The following MEAK7 variants were observed in gnomAD, a reference collection of about 807,000 sequenced individuals.
MEAK7 encodes the protein MTOR associated protein MEAK7.
Under a neutral mutation model 40.5 loss-of-function variants are expected in MEAK7, and 68 were observed. The observed-to-expected ratio is 1.68, with a 90% CI of 1.38 to 2.06. MEAK7 has a LOEUF of 2.06. Ranked by LOEUF, MEAK7 falls within the 30% of genes most tolerant of loss-of-function variation. The probability of loss-of-function intolerance (pLI) is 0.00; values close to 1 mark genes in which losing one functional copy is unlikely to be tolerated. For missense variants in MEAK7, 918 were observed against 580.5 expected, an observed-to-expected ratio of 1.58 and a Z score of -5.98; for synonymous variants, 338 against 231.9, an observed-to-expected ratio of 1.46 and a Z score of -4.16.
chr16:84,480,734 T>G, intron 6 of MEAK7, 26 bp from the exon 7 acceptor site: 1 of 1,593,462 alleles, frequency 6.3e-7, no homozygotes, highest in African/African-American at 1.3e-5. Context: ...GGACAGAGAA[T>G]AGCATCAGCA....
rs951539339 is a variant in MEAK7 at position 84,504,577 on chromosome 16, G to A, written c.-26+24C>T. On this transcript the variant is annotated intron_variant, in intron 1 of 7. Transcript: ENST00000343629. ...GCCTGCGCCTCTGGGTCAGCTCACT[G>A]CGAACCTCAGCCCAGGTACCTACCC... 15 of 985,554 alleles carry A rather than the reference G, an allele frequency of 1.5e-5. No individual in the cohort carries two copies. The Admixed American group carries it at 3.7e-4, about 24-fold the overall frequency. 61.1% of individuals were successfully genotyped at this position (985,554 alleles called of 1,614,324 possible).
chr16:84,491,052 A>C (rs953117371), intron 3 of MEAK7, among the ~76,000 whole-genome samples: 1 of 152,240 alleles, frequency 6.6e-6, no homozygotes, highest in Admixed American at 6.5e-5. Flanking sequence ...ATGAAACCAA[A>C]AGTTGGTTCA....
Position 84,480,615 on chromosome 16 carries a change from T to C in MEAK7, c.1171A>G (p.Asn391Asp). The C allele has an allele frequency of 1.2e-6, 2 of 1,614,084 alleles. No homozygotes were observed. Among genetic ancestry groups the C allele is most frequent in the East Asian group, 2.2e-5 (1 of 44,888 alleles). ...SRAKPTCTTYNSPQLSAQENF... is the reference protein window; with the variant it reads ...SRAKPTCTTYDSPQLSAQENF... ...TCCTGAGCCGACAGCTGCGGGCTGT[T>C]GTACGTGGTGCACGTGGGCTTGGCT... is the stretch of plus-strand genomic sequence containing the variant. Residue 391 changes from asparagine to aspartate, a missense_variant, in exon 7 of 8, where the codon AAC (asparagine) becomes GAC (aspartate). Asn to Asp is a conservative substitution (Grantham distance 23, BLOSUM62 1). Transcript: ENST00000343629.
chr16:84,495,612 G>C, intron 3 of MEAK7, 71 bp downstream of exon 3: 1 of 1,436,638 alleles, frequency 7.0e-7, no homozygotes, highest in Non-Finnish European at 9.8e-7. Context: ...CCATGTAACT[G>C]GCCTCCATCC....
chr16:84,492,677 G>C (rs934325383), intron 3 of MEAK7, among the ~76,000 whole-genome samples: 3 of 152,094 alleles, frequency 2.0e-5, no homozygotes, highest in Non-Finnish European at 4.4e-5. Flanking sequence ...CACCTCTCGA[G>C]TTCAAGCGAT....
chr16:84,495,956 G>A (rs202105266), intron 2 of MEAK7, 43 bp from the exon 3 acceptor site: 13 of 1,593,692 alleles, frequency 8.2e-6, no homozygotes, highest in South Asian at 4.4e-5. Flanking sequence ...CAGTGCACAA[G>A]TTGAACTTGG....
rs756603911 is a variant in MEAK7 at position 84,497,531 on chromosome 16, G to C, written c.153+403C>G. 5.4e-6 allele frequency: 7 copies of C among 1,291,302 alleles called. No individual in the cohort carries two copies. In the South Asian group the frequency reaches 7.4e-5, roughly 14 times the overall value. The allele number at this position is 1,291,302 out of a possible 1,614,324, so 80.0% of individuals were successfully genotyped here. On this transcript the variant is annotated intron_variant, in intron 2 of 7. Coordinates refer to ENST00000343629, the MANE Select transcript of MEAK7 (RefSeq NM_020947.4). ...CCCATCTCTGGGAGGGCAGTCAGGA[G>C]GGACGTGGTTCAAGAGACACACGAG...
intron 3 of MEAK7, among the ~76,000 whole-genome samples, chr16:84,490,698 T>TGTGTG (rs1913522135): frequency 1.9e-5 from 1 of 52,946 alleles, no homozygotes; most frequent in African/African-American, 6.6e-5. Context: ...GTGTGTGTAT[T>TGTGTG]TAAAGGGACA....
At chr16:84,497,696 G>T (rs190073768) in intron 2 of MEAK7, 1 of 1,454,240 alleles carries the variant, frequency 6.9e-7, no homozygotes, top group South Asian at 1.2e-5. Flanking sequence ...GGAGGGATGC[G>T]TTTAGACACT....
intron 2 of MEAK7, 110 bp from the exon 3 acceptor site, chr16:84,496,023 T>A: frequency 8.0e-7 from 1 of 1,253,154 alleles, no homozygotes; most frequent in East Asian, 2.4e-5. Flanking sequence ...TTGGGAAGTT[T>A]TCGTTTTTTA....
rs1035770814 is a variant in MEAK7, at chr16:84,503,960, C to G, written c.-26+641G>C. Reference sequence around the variant, plus strand: ...GCCACACAAGGGTCCCTCCGTACCCCCACAAGCTGGGGAGATTCCAACTGC... The same window carrying G: ...GCCACACAAGGGTCCCTCCGTACCCGCACAAGCTGGGGAGATTCCAACTGC... On this transcript the variant is annotated intron_variant, in intron 1 of 7. Transcript: ENST00000343629. The G allele has an allele frequency of 9.1e-6, 9 of 985,424 alleles. No individual in the cohort carries two copies. The Admixed American group carries it at 4.3e-4, about 47-fold the overall frequency. The allele number at this position is 985,424 out of a possible 1,614,324, so 61.0% of individuals were successfully genotyped here. A position where few individuals can be genotyped will look rare whatever the true frequency, so the allele number is the denominator to read the frequency against.
In MEAK7 at chr16:84,491,699, G is replaced by A. The variant is rs182601837; in HGVS notation, c.385-2277C>T. Among the ~76,000 whole-genome samples, 129 of 151,676 alleles carry A rather than the reference G, an allele frequency of 8.5e-4. 1 individual carries two copies. Among genetic ancestry groups the A allele is most frequent in the South Asian group, 5.4e-3 (26 of 4,792 alleles). On this transcript the variant is annotated intron_variant, in intron 3 of 7. Transcript: ENST00000343629. ...TAAAAGTACAAAAAATTACCTGGGC[G>A]TGGTGGCGTGCACCTGTAGTCCCAG...
intron 5 of MEAK7, among the ~76,000 whole-genome samples, chr16:84,484,234 A>G (rs416476): frequency 0.42 from 63,132 of 152,118 alleles, 13,622 homozygotes; most frequent in South Asian, 0.59. Flanking sequence ...TCATTCCCAG[A>G]ATACAGGGCA....
At chr16:84,482,462 C>A (rs1268695355) in intron 6 of MEAK7, 130 bp downstream of exon 6, 1 of 1,463,930 alleles carries the variant, frequency 6.8e-7, no homozygotes, top group Non-Finnish European at 9.3e-7. Flanking sequence ...ACAGAAGGAA[C>A]TGGACATGGC....
rs760821644 is a variant in MEAK7, at chr16:84,489,274, T to C, written c.529+4A>G. 4.3e-6 allele frequency: 7 copies of C among 1,613,886 alleles called. No homozygotes were observed. Among genetic ancestry groups the C allele is most frequent in the Non-Finnish European group, 4.2e-6 (5 of 1,179,868 alleles). ...CCTGCATCACCGCGTCCACGCACAC[T>C]TGCCTTGCAGCTTCATGTCAGAGAG... On this transcript the variant is annotated splice_donor_region_variant and intron_variant, in intron 4 of 7. Transcript: ENST00000343629.
chr16:84,497,613 G>T (rs769586395), intron 2 of MEAK7: 9 of 1,341,138 alleles, frequency 6.7e-6, no homozygotes, highest in Non-Finnish European at 8.8e-6. Flanking sequence ...CCCAAATGTC[G>T]TGTGAATCAT....
intron 5 of MEAK7, among the ~76,000 whole-genome samples, chr16:84,485,078 T>A (rs903053626): frequency 3.3e-5 from 5 of 152,186 alleles, no homozygotes; most frequent in African/African-American, 7.2e-5. Flanking sequence ...GAGCAATGTG[T>A]AATTTCCCCG....
chr16:84,497,537 T>C (rs912261466), intron 2 of MEAK7: 2 of 1,291,596 alleles, frequency 1.5e-6, no homozygotes, highest in Admixed American at 2.3e-5. Context: ...AGGAGGGACG[T>C]GGTTCAAGAG....
At chr16:84,486,581 T>C in intron 5 of MEAK7, 50 bp downstream of exon 5, 2 of 1,533,894 alleles carry the variant, frequency 1.3e-6, no homozygotes, top group Middle Eastern at 2.0e-4. Flanking sequence ...TCTCCAGAGC[T>C]CTTTGCCCGT....
Sources: allele counts gnomAD v4.1 joint callset (sites outside exome capture counted in the v4.1 genomes callset), GRCh38; gene constraint gnomAD v4.1.1; transcripts MANE v1.5; gene names NCBI Gene and HGNC (gene_info 2026-07-23, HGNC 2026-07-21).